Variants in CARS1 observed in about 807,000 individuals in gnomAD.
The protein encoded by CARS1 is cysteine--tRNA ligase, cytoplasmic.
A neutral mutation model predicts 106.2 loss-of-function variants in CARS1; 48 were observed. That is an observed-to-expected ratio of 0.45 (90% CI 0.36 to 0.57). The LOEUF is 0.57. Among genes scored for constraint, CARS1 ranks in the 20% least tolerant of loss-of-function variants. The pLI is 0.00. For missense variants in CARS1, 968 were observed against 1,057.2 expected (o/e 0.92, Z 1.17); for synonymous variants, 409 against 403.4 (o/e 1.01, Z -0.17).
chr11:3,028,433 T>C lies in CARS1; in HGVS notation c.1031+563A>G. 3.9e-6 allele frequency: 1 copy of C among 253,840 alleles called. No individual in the cohort carries two copies. Among genetic ancestry groups the C allele is most frequent in the East Asian group, 1.1e-4 (1 of 9,374 alleles). 15.7% of individuals were successfully genotyped at this position (253,840 alleles called of 1,614,324 possible). A position where few individuals can be genotyped will look rare whatever the true frequency, so the allele number is the denominator to read the frequency against. On this transcript the variant is annotated intron_variant, in intron 9 of 22. Coordinates refer to ENST00000380525, the MANE Select transcript of CARS1 (RefSeq NM_001014437.3). The surrounding 1 kb of genome is among the most constrained non-coding windows in gnomAD (Gnocchi z 4.4). ...CATGGGGAGAAAAACCCACCGACCC[T>C]GTGGGGCTGGTCCCTACACACTACA...
At chr11:3,014,473 G>C (rs1028942041) in intron 17 of CARS1, among the ~76,000 whole-genome samples, 1 of 152,246 alleles carries the variant, frequency 6.6e-6, no homozygotes, top group Non-Finnish European at 1.5e-5. Flanking sequence ...TGGGGGATGC[G>C]GATGCGTGTC....
chr11:3,047,915 C>A lies in CARS1; in HGVS notation c.112G>T (p.Val38Phe). ...GCCTGGGACAGTGAGTACCCCTGGA[C>A]ATAGCTACGCGTGCTGAGGTGCTCG... is the stretch of plus-strand genomic sequence containing the variant. The part of the protein sequence containing the change: ...LNEHLSTRSY[V>F]QGYSLSQADV... The change falls in exon 2 of 23, where the codon GTC becomes TTC. Residue 38 changes from valine to phenylalanine, a missense_variant. Physicochemically the swap from Val to Phe is conservative, Grantham distance 50. Transcript: ENST00000380525. 6.2e-7 allele frequency: 1 copy of A among 1,614,152 alleles called. No individual in the cohort carries two copies. The highest frequency in any genetic ancestry group is 2.2e-5 in the East Asian group (1 of 44,878).
chr11:3,008,058 G>A lies in CARS1; in HGVS notation c.2069-1099C>T, dbSNP rs1850071144. The A allele has an allele frequency of 6.6e-6, 1 of 152,240 alleles. No individual in the cohort carries two copies. Among genetic ancestry groups the A allele is most frequent in the Non-Finnish European group, 1.5e-5 (1 of 68,090 alleles). The allele number at this position is 152,240 out of a possible 1,614,324, so 9.4% of individuals were successfully genotyped here. A position where few individuals can be genotyped will look rare whatever the true frequency, so the allele number is the denominator to read the frequency against. ...CTTTCTGCTCTGAAATCTGACCTTG[G>A]GTTTGCTGGAATCACCACACCCTTT... On this transcript the variant is annotated intron_variant, in intron 18 of 22. Transcript: ENST00000380525. The surrounding 1 kb of genome is among the most constrained non-coding windows in gnomAD (Gnocchi z 5.1).
Position 3,041,232 on chromosome 11 carries a change from G to A in CARS1, c.367-248C>T. 1.5e-5 allele frequency: 8 copies of A among 520,192 alleles called. No individual in the cohort carries two copies. Among genetic ancestry groups the A allele is most frequent in the East Asian group, 3.3e-5 (1 of 30,472 alleles). 32.2% of individuals were successfully genotyped at this position (520,192 alleles called of 1,614,324 possible). ...CCCTGGGGTTCTACTCATCTATGGA[G>A]GGAGGCGATAAAGGGAATCAATGAT... On this transcript the variant is annotated intron_variant, in intron 3 of 22. Transcript: ENST00000380525. The surrounding 1 kb of genome is among the most constrained non-coding windows in gnomAD (Gnocchi z 4.9).
Position 3,018,528 on chromosome 11 carries a change from G to C in CARS1, c.1526-17C>G, listed in dbSNP as rs769490997. On this transcript the variant is annotated splice_polypyrimidine_tract_variant and intron_variant, in intron 13 of 22. Coordinates refer to ENST00000380525, the MANE Select transcript of CARS1 (RefSeq NM_001014437.3). ...ACTGCCGTGCTGTGGGGGGACACAA[G>C]ACAGCCAACGCCCTTATTCTCCCGA... The C allele has an allele frequency of 4.2e-5, 68 of 1,612,580 alleles. No homozygotes were observed. The Admixed American group carries it at 5.0e-4, about 12-fold the overall frequency.
At position 3,040,900 on chromosome 11, in the gene CARS1, C is replaced by A. The variant is rs200923551; in HGVS notation, c.451G>T (p.Ala151Ser). 2 of 1,613,898 alleles carry A rather than the reference C, an allele frequency of 1.2e-6. No individual in the cohort carries two copies. The highest frequency in any genetic ancestry group is 1.7e-6 in the Non-Finnish European group (2 of 1,179,902). Reference protein sequence around the residue: ...TVYDASHMGHARSYISFDILR... With the variant: ...TVYDASHMGHSRSYISFDILR... ...GACACCCCGCGGTGGACCTACCTGGCGTGCCCCATGTGAGATGCGTCATAG... is the reference window on the plus strand; with the variant it reads ...GACACCCCGCGGTGGACCTACCTGGAGTGCCCCATGTGAGATGCGTCATAG... The change falls in exon 4 of 23, where the codon GCC becomes TCC. Residue 151 changes from alanine to serine, a missense_variant. Physicochemically the swap from Ala to Ser is moderately conservative, Grantham distance 99 (BLOSUM62 1). Transcript: ENST00000380525. The surrounding 1 kb of genome is among the most constrained non-coding windows in gnomAD (Gnocchi z 5.8).
Position 3,050,966 on chromosome 11 carries a change from C to G in CARS1, c.26-2965G>C, listed in dbSNP as rs1057080902. Among the ~76,000 whole-genome samples the G allele has an allele frequency of 6.6e-6, 1 of 152,246 alleles. No homozygotes were observed. The highest frequency in any genetic ancestry group is 1.5e-5 in the Non-Finnish European group (1 of 68,034). Reference sequence around the variant, plus strand: ...TCGATCTTCAGCATCTACAACTGAGCGTGTGACATTCCAGATATCAGCTAA... The same window carrying G: ...TCGATCTTCAGCATCTACAACTGAGGGTGTGACATTCCAGATATCAGCTAA... On this transcript the variant is annotated intron_variant, in intron 1 of 22. Transcript: ENST00000380525. The surrounding 1 kb of genome is among the most constrained non-coding windows in gnomAD (Gnocchi z 6.3).
Position 3,019,387 on chromosome 11 carries a change from A to C in CARS1, c.1267-120T>G. 1 of 1,121,022 alleles carries C rather than the reference A, an allele frequency of 8.9e-7. No homozygotes were observed. Among genetic ancestry groups the C allele is most frequent in the Non-Finnish European group, 1.2e-6 (1 of 858,920 alleles). The allele number at this position is 1,121,022 out of a possible 1,614,324, so 69.4% of individuals were successfully genotyped here. Reference sequence around the variant, plus strand: ...TGAACTTTATTGGAACAAGCGTTAAATCCCGCACATGAAAAGACTAAGGGA... The same window carrying C: ...TGAACTTTATTGGAACAAGCGTTAACTCCCGCACATGAAAAGACTAAGGGA... On this transcript the variant is annotated intron_variant, in intron 11 of 22. Coordinates refer to ENST00000380525, the MANE Select transcript of CARS1 (RefSeq NM_001014437.3). The surrounding 1 kb of genome is among the most constrained non-coding windows in gnomAD (Gnocchi z 6.2).
At chr11:3,033,559 T>C (rs1220005132) in intron 7 of CARS1, among the ~76,000 whole-genome samples, 1 of 152,148 alleles carries the variant, frequency 6.6e-6, no homozygotes. Context: ...TACAAGTAAA[T>C]GATGTCAAAT....
chr11:3,013,056 A>G (rs1234348376), intron 17 of CARS1, among the ~76,000 whole-genome samples: 7 of 145,596 alleles, frequency 4.8e-5, no homozygotes, highest in African/African-American at 7.7e-5. Context: ...CGCCTGGCTA[A>G]TTTTTGTATT....
intron 18 of CARS1, among the ~76,000 whole-genome samples, chr11:3,011,755 G>A (rs919605977): frequency 6.6e-5 from 10 of 152,194 alleles, no homozygotes; most frequent in South Asian, 4.1e-4. Context: ...GGCTCCACTC[G>A]GCAGCAGGAA....
Position 3,003,644 on chromosome 11 carries a change from C to T in CARS1, c.2218-1044G>A, listed in dbSNP as rs916279186. ...TGGGGCCAACAGGATCGAGCTCTTT[C>T]GAGATAGATGGAGGGAGAGCAGGGC... is the stretch of plus-strand genomic sequence containing the variant. On this transcript the variant is annotated intron_variant, in intron 20 of 22. Transcript: ENST00000380525. This position sits in a 1 kb window ranked among gnomAD's most constrained non-coding sequence, Gnocchi z 4.8. Among the ~76,000 whole-genome samples, 4 of 152,018 alleles carry T rather than the reference C, an allele frequency of 2.6e-5. No homozygotes were observed. Among genetic ancestry groups the T allele is most frequent in the Non-Finnish European group, 4.4e-5 (3 of 68,008 alleles).
At position 3,041,947 on chromosome 11, in the gene CARS1, A is replaced by G. The variant is rs1854516745; in HGVS notation, c.366+218T>C. Among the ~76,000 whole-genome samples the G allele has an allele frequency of 6.6e-6, 1 of 152,222 alleles. No homozygotes were observed. On this transcript the variant is annotated intron_variant, in intron 3 of 22. Coordinates refer to ENST00000380525, the MANE Select transcript of CARS1 (RefSeq NM_001014437.3). This position sits in a 1 kb window ranked among gnomAD's most constrained non-coding sequence, Gnocchi z 4.9. ...TCATGGGCAGGCTTCCACATGAGGC[A>G]TGATACTTCACGTGTCTGGGTTTCA...
Position 3,019,396 on chromosome 11 carries a change from A to G in CARS1, c.1267-129T>C, listed in dbSNP as rs941516368. Reference sequence around the variant, plus strand: ...TTGGAACAAGCGTTAAATCCCGCACATGAAAAGACTAAGGGAAGGCTGGGC... The same window carrying G: ...TTGGAACAAGCGTTAAATCCCGCACGTGAAAAGACTAAGGGAAGGCTGGGC... On this transcript the variant is annotated intron_variant, in intron 11 of 22. Coordinates refer to ENST00000380525, the MANE Select transcript of CARS1 (RefSeq NM_001014437.3). This position sits in a 1 kb window ranked among gnomAD's most constrained non-coding sequence, Gnocchi z 6.2. 3 of 1,054,510 alleles carry G rather than the reference A, an allele frequency of 2.8e-6. No individual in the cohort carries two copies. The highest frequency in any genetic ancestry group is 3.2e-5 in the Admixed American group (1 of 31,214). 65.3% of individuals were successfully genotyped at this position (1,054,510 alleles called of 1,614,324 possible). A position where few individuals can be genotyped will look rare whatever the true frequency, so the allele number is the denominator to read the frequency against.
rs1851310685 is a variant in CARS1 at position 3,019,023 on chromosome 11, T to A, written c.1395+116A>T. 8.0e-7 allele frequency: 1 copy of A among 1,245,696 alleles called. No individual in the cohort carries two copies. Among genetic ancestry groups the A allele is most frequent in the South Asian group, 1.5e-5 (1 of 64,638 alleles). 77.2% of individuals were successfully genotyped at this position (1,245,696 alleles called of 1,614,324 possible). On this transcript the variant is annotated intron_variant, in intron 12 of 22. Coordinates refer to ENST00000380525, the MANE Select transcript of CARS1 (RefSeq NM_001014437.3). The surrounding 1 kb of genome is among the most constrained non-coding windows in gnomAD (Gnocchi z 6.2). Reference sequence around the variant, plus strand: ...TTCAGATTCCACCCACAAGCCCCGATGAAGGTGTCAAGTTCTAGTGAGAGA... The same window carrying A: ...TTCAGATTCCACCCACAAGCCCCGAAGAAGGTGTCAAGTTCTAGTGAGAGA...
At position 3,021,933 on chromosome 11, in the gene CARS1, C is replaced by G. The variant is rs563226087; in HGVS notation, c.1154-1601G>C. ...AACTTTTCATTATTATGAACTTACT[C>G]ATGAAAGTTTATATCTGATTTTTTA... On this transcript the variant is annotated intron_variant, in intron 10 of 22. Coordinates refer to ENST00000380525, the MANE Select transcript of CARS1 (RefSeq NM_001014437.3). The surrounding 1 kb of genome is among the most constrained non-coding windows in gnomAD (Gnocchi z 5.3). Among the ~76,000 whole-genome samples, 1 of 152,300 alleles carries G rather than the reference C, an allele frequency of 6.6e-6. No individual in the cohort carries two copies. The highest frequency in any genetic ancestry group is 1.5e-5 in the Non-Finnish European group (1 of 68,040).
rs759633859 is a variant in CARS1, at chr11:3,021,548, G to A, written c.1154-1216C>T. On this transcript the variant is annotated intron_variant, in intron 10 of 22. Transcript: ENST00000380525. The surrounding 1 kb of genome is among the most constrained non-coding windows in gnomAD (Gnocchi z 5.3). ...AAACAGAGTCCAGAGGAAAAGCACC[G>A]CTAAATATATTTTTCTAAACACCAA... Among the ~76,000 whole-genome samples the A allele has an allele frequency of 7.9e-5, 12 of 152,134 alleles. No homozygotes were observed. Among genetic ancestry groups the A allele is most frequent in the Non-Finnish European group, 1.3e-4 (9 of 68,026 alleles).
At position 3,041,040 on chromosome 11, in the gene CARS1, G is replaced by C. The variant is rs535974526; in HGVS notation, c.367-56C>G. ...AAGAAATGCAAGAAACACTGCACAGGATTACCAAAAACAGCAACAAACATC... is the reference window on the plus strand; with the variant it reads ...AAGAAATGCAAGAAACACTGCACAGCATTACCAAAAACAGCAACAAACATC... On this transcript the variant is annotated intron_variant, in intron 3 of 22. Transcript: ENST00000380525. The surrounding 1 kb of genome is among the most constrained non-coding windows in gnomAD (Gnocchi z 4.9). The C allele has an allele frequency of 1.2e-6, 2 of 1,612,766 alleles. No homozygotes were observed. Among genetic ancestry groups the C allele is most frequent in the Admixed American group, 3.3e-5 (2 of 59,830 alleles).
At position 3,048,167 on chromosome 11, in the gene CARS1, G is replaced by C. The variant is rs902621446; in HGVS notation, c.26-166C>G. ...GGCAAAGGCACAGGGGCAGCGCTTCGACTGGGGGCGAGGGAGTGACTGCCT... is the reference window on the plus strand; with the variant it reads ...GGCAAAGGCACAGGGGCAGCGCTTCCACTGGGGGCGAGGGAGTGACTGCCT... On this transcript the variant is annotated intron_variant, in intron 1 of 22. Transcript: ENST00000380525. The surrounding 1 kb of genome is among the most constrained non-coding windows in gnomAD (Gnocchi z 5.1). 6.6e-6 allele frequency among the ~76,000 whole-genome samples: 1 copy of C among 152,196 alleles called. No homozygotes were observed. Among genetic ancestry groups the C allele is most frequent in the Non-Finnish European group, 1.5e-5 (1 of 68,028 alleles).
Sources: gnomAD v4.1 joint callset for allele counts (sites outside exome capture counted in the v4.1 genomes callset) on GRCh38, gnomAD v4.1.1 for gene constraint, Gnocchi (gnomAD v3.1) non-coding constraint, MANE v1.5 for transcripts, NCBI Gene and HGNC (gene_info 2026-07-23, HGNC 2026-07-21) for gene names.